The following PTPRT variants were observed in gnomAD, a reference collection of about 807,000 sequenced individuals.
The protein encoded by PTPRT is protein tyrosine phosphatase receptor type T, also known as receptor-type tyrosine-protein phosphatase T.
A neutral mutation model predicts 176.8 loss-of-function variants in PTPRT; 56 were observed. That is an observed-to-expected ratio of 0.32 (90% CI 0.26 to 0.40). The LOEUF is 0.40. Ranked by LOEUF, PTPRT falls within the 10% of genes least tolerant of loss-of-function variation. The pLI, the probability that PTPRT is intolerant of heterozygous loss-of-function variation, is 1.00. For missense variants in PTPRT, 1,540 were observed against 1,908.2 expected (o/e 0.81, Z 3.60); for synonymous variants, 783 against 739.0 (o/e 1.06, Z -0.96).
At chr20:42,766,923 T>C (rs1223076022) in intron 5 of PTPRT, among the ~76,000 whole-genome samples, 2 of 152,218 alleles carry the variant, frequency 1.3e-5, no homozygotes, top group Non-Finnish European at 2.9e-5. Context: ...GAGACTCTTT[T>C]GGCCATGATG....
intron 20 of PTPRT, among the ~76,000 whole-genome samples, 174 bp from the exon 21 acceptor site, chr20:42,118,674 G>C (rs968129793): frequency 1.3e-5 from 2 of 152,048 alleles, no homozygotes; most frequent in African/African-American, 4.8e-5. Context: ...GAGCCTGATG[G>C]GGACAGATTA....
chr20:42,794,963 T>C (rs932245620), intron 2 of PTPRT, among the ~76,000 whole-genome samples: 22 of 152,126 alleles, frequency 1.4e-4, no homozygotes, highest in African/African-American at 4.8e-4. Flanking sequence ...GGAGCCTATC[T>C]GCGAGTTGAG....
intron 2 of PTPRT, among the ~76,000 whole-genome samples, chr20:42,832,406 T>G (rs2078104478): frequency 6.6e-6 from 1 of 151,908 alleles, no homozygotes. Flanking sequence ...AATTAACTAT[T>G]GGGTACTGAG....
At chr20:42,123,162 T>C (rs1987673060) in intron 19 of PTPRT, among the ~76,000 whole-genome samples, 1 of 152,182 alleles carries the variant, frequency 6.6e-6, no homozygotes, top group Non-Finnish European at 1.5e-5. Context: ...CTCTTAATGC[T>C]CAGGCTGGAA....
At chr20:42,652,085 A>C (rs1235363418) in intron 7 of PTPRT, among the ~76,000 whole-genome samples, 1 of 152,024 alleles carries the variant, frequency 6.6e-6, no homozygotes, top group Non-Finnish European at 1.5e-5. Context: ...AAAAACAAAA[A>C]AAAAAAGGAA....
chr20:42,922,583 T>C (rs1292600932), intron 1 of PTPRT, among the ~76,000 whole-genome samples: 1 of 152,220 alleles, frequency 6.6e-6, no homozygotes, highest in Admixed American at 6.5e-5. Context: ...TGCCTCAGCA[T>C]CCCTTGTAGG....
At chr20:42,197,555 T>C (rs1382589470) in intron 16 of PTPRT, among the ~76,000 whole-genome samples, 1 of 151,860 alleles carries the variant, frequency 6.6e-6, no homozygotes, top group Admixed American at 6.6e-5. Flanking sequence ...TGGAGGACAT[T>C]GAGGCAATTT....
intron 4 of PTPRT, 54 bp downstream of exon 4, chr20:42,780,164 G>C: frequency 7.2e-7 from 1 of 1,396,406 alleles, no homozygotes; most frequent in Non-Finnish European, 1.0e-6. Flanking sequence ...CAGGCTCTAT[G>C]CTACCCAGTC....
At chr20:43,152,456 T>G (rs1171512452) in intron 1 of PTPRT, among the ~76,000 whole-genome samples, 1 of 152,192 alleles carries the variant, frequency 6.6e-6, no homozygotes, top group Non-Finnish European at 1.5e-5. Flanking sequence ...CAGATCTATC[T>G]CAGTGTAGCT....
intron 2 of PTPRT, among the ~76,000 whole-genome samples, chr20:42,812,011 T>C (rs184183744): frequency 6.6e-4 from 100 of 152,230 alleles, no homozygotes; most frequent in Middle Eastern, 6.8e-3. Flanking sequence ...ATCTTTTAGA[T>C]AACCATTCTT....
intron 7 of PTPRT, among the ~76,000 whole-genome samples, chr20:42,629,876 G>A (rs1361171252): frequency 6.6e-6 from 1 of 152,158 alleles, no homozygotes; most frequent in Non-Finnish European, 1.5e-5. Context: ...CACCAATGGG[G>A]GGAAAAATGA....
At chr20:42,808,709 T>C (rs1382326611) in intron 2 of PTPRT, among the ~76,000 whole-genome samples, 2 of 152,176 alleles carry the variant, frequency 1.3e-5, no homozygotes, top group African/African-American at 4.8e-5. Flanking sequence ...ATAGTTTTCA[T>C]ACAAAGACTC....
chr20:42,270,028 A>G (rs944673743), intron 13 of PTPRT, among the ~76,000 whole-genome samples: 1 of 151,988 alleles, frequency 6.6e-6, no homozygotes, highest in African/African-American at 2.4e-5. Context: ...ACACCACTTG[A>G]AGTGGCAAAT....
At chr20:42,801,221 C>T (rs151178478) in intron 2 of PTPRT, among the ~76,000 whole-genome samples, 1,995 of 152,312 alleles carry the variant, frequency 0.013, 22 homozygotes, top group Non-Finnish European at 0.023. Flanking sequence ...GTAGCCCATG[C>T]TGCAAGCACT....
intron 1 of PTPRT, among the ~76,000 whole-genome samples, chr20:43,023,733 C>G (rs1168597758): frequency 6.6e-6 from 1 of 152,184 alleles, no homozygotes; most frequent in African/African-American, 2.4e-5. Flanking sequence ...CTGCATCTCT[C>G]CCTCAACGAA....
chr20:42,092,923 A>C (rs990085633), intron 27 of PTPRT, among the ~76,000 whole-genome samples: 2 of 152,166 alleles, frequency 1.3e-5, no homozygotes, highest in Admixed American at 1.3e-4. Context: ...CAGGCTTTCC[A>C]CAGTGGGAGC....
At chr20:42,047,997 CCTGACTTGGCG>C in the PTPRT span, among the ~76,000 whole-genome samples, 1 of 152,080 alleles carries the variant, frequency 6.6e-6, no homozygotes, top group African/African-American at 2.4e-5. Flanking sequence ...TCAAGATTCT[CCTGACTTGGCG>C]CTGGAGAGGA....
chr20:42,491,080 C>A (rs533005613), intron 7 of PTPRT, among the ~76,000 whole-genome samples: 2 of 152,100 alleles, frequency 1.3e-5, no homozygotes, highest in Admixed American at 1.3e-4. Context: ...ATTGCACGAA[C>A]ATTGAAAAAA....
chr20:42,152,622 G>C (rs1213846415), intron 17 of PTPRT, among the ~76,000 whole-genome samples: 5 of 152,216 alleles, frequency 3.3e-5, no homozygotes, highest in Non-Finnish European at 7.3e-5. Flanking sequence ...TCTCACGCGA[G>C]GGTACCTCTA....
Sources: gnomAD v4.1 joint callset for allele counts (sites outside exome capture counted in the v4.1 genomes callset) on GRCh38, gnomAD v4.1.1 for gene constraint, MANE v1.5 for transcripts, NCBI Gene and HGNC (gene_info 2026-07-23, HGNC 2026-07-21) for gene names.